Variants in RARB observed in about 807,000 individuals in gnomAD.
The protein encoded by RARB is retinoic acid receptor beta.
Under a neutral mutation model 51.9 loss-of-function variants are expected in RARB, and 17 were observed. The ratio of observed to expected loss-of-function variants is 0.33; its 90% confidence interval spans 0.22 to 0.49. The LOEUF (loss-of-function observed/expected upper bound fraction) is 0.49, where lower values mean the gene tolerates loss of function less well. Ranked by LOEUF, RARB falls within the 20% of genes least tolerant of loss-of-function variation. The pLI is 0.99. For missense variants in RARB, 369 were observed against 550.8 expected, an observed-to-expected ratio of 0.67 and a Z score of 3.30; for synonymous variants, 215 against 195.4, an observed-to-expected ratio of 1.10 and a Z score of -0.84.
intron 5 of RARB, among the ~76,000 whole-genome samples, chr3:25,423,011 A>G (rs1707901073): frequency 6.6e-6 from 1 of 152,206 alleles, no homozygotes; most frequent in Non-Finnish European, 1.5e-5. Context: ...TGGCTCCTTT[A>G]TACTACAGTG....
intron 2 of RARB, among the ~76,000 whole-genome samples, chr3:24,897,092 A>G (rs1703493886): frequency 6.6e-6 from 1 of 152,172 alleles, no homozygotes; most frequent in Non-Finnish European, 1.5e-5. Context: ...TCTAAATTAG[A>G]CTGCTGCTAA....
chr3:25,331,539 A>C (rs2125445290), intron 5 of RARB, among the ~76,000 whole-genome samples: 1 of 152,332 alleles, frequency 6.6e-6, no homozygotes, highest in South Asian at 2.1e-4. Context: ...TGTAGAGAGA[A>C]ATTTATAGCA....
intron 3 of RARB, among the ~76,000 whole-genome samples, chr3:25,123,801 G>T (rs1699821540): frequency 6.6e-6 from 1 of 152,094 alleles, no homozygotes; most frequent in African/African-American, 2.4e-5. Flanking sequence ...ATCTAGAATT[G>T]CTTTTTCCTC....
chr3:25,511,025 C>T (rs1392309248), intron 3 of RARB, among the ~76,000 whole-genome samples: 1 of 152,234 alleles, frequency 6.6e-6, no homozygotes, highest in African/African-American at 2.4e-5. Context: ...CTACTCAACT[C>T]TACTATTGCA....
At position 24,992,007 on chromosome 3, in the gene RARB, G is replaced by C. The variant is rs370671881; in HGVS notation, c.-379-68118G>C. 3.3e-5 allele frequency among the ~76,000 whole-genome samples: 5 copies of C among 152,156 alleles called. No homozygotes were observed. The South Asian group carries it at 6.2e-4, about 19-fold the overall frequency. ...TCTATATCATGCCACCCCTTGCCTGGGTAGTCTGTTTGGCTCTCCTTATAC... is the reference window on the plus strand; with the variant it reads ...TCTATATCATGCCACCCCTTGCCTGCGTAGTCTGTTTGGCTCTCCTTATAC... On this transcript the variant is annotated intron_variant, in intron 2 of 11. Transcript: ENST00000383772.
intron 2 of RARB, among the ~76,000 whole-genome samples, chr3:24,899,690 C>T (rs1262615447): frequency 2.6e-5 from 4 of 152,102 alleles, no homozygotes; most frequent in Non-Finnish European, 5.9e-5. Flanking sequence ...GCAGATGAGC[C>T]TTCAATGAAA....
intron 3 of RARB, among the ~76,000 whole-genome samples, chr3:25,087,496 G>A (rs1378450114): frequency 1.3e-5 from 2 of 151,986 alleles, no homozygotes; most frequent in Non-Finnish European, 2.9e-5. Context: ...ATGTAACCTT[G>A]GGCAAGTTAG....
intron 2 of RARB, among the ~76,000 whole-genome samples, chr3:24,904,750 T>G (rs2125374330): frequency 6.6e-6 from 1 of 152,180 alleles, no homozygotes; most frequent in East Asian, 1.9e-4. Context: ...TAGCAAAAAC[T>G]TGGAACCAAC....
intron 2 of RARB, among the ~76,000 whole-genome samples, chr3:24,902,566 A>G (rs181047103): frequency 4.5e-4 from 68 of 152,234 alleles, no homozygotes; most frequent in African/African-American, 1.6e-3. Flanking sequence ...AATTTTATGA[A>G]TTTATATGTA....
intron 5 of RARB, among the ~76,000 whole-genome samples, chr3:25,193,959 T>C (rs538504101): frequency 1.3e-5 from 2 of 152,090 alleles, no homozygotes; most frequent in South Asian, 2.1e-4. Context: ...AAAACATTTG[T>C]ATTTTAATAT....
intron 2 of RARB, among the ~76,000 whole-genome samples, chr3:24,939,955 C>T (rs545079840): frequency 2.0e-5 from 3 of 152,234 alleles, no homozygotes; most frequent in South Asian, 2.1e-4. Flanking sequence ...TATAAGCAAA[C>T]GTCACTCATT....
At chr3:24,980,441 C>T (rs1310243485) in intron 2 of RARB, among the ~76,000 whole-genome samples, 2 of 152,110 alleles carry the variant, frequency 1.3e-5, no homozygotes, top group Non-Finnish European at 1.5e-5. Context: ...TCACATAGTC[C>T]CATATTTCTT....
intron 3 of RARB, among the ~76,000 whole-genome samples, chr3:25,112,984 CTCTTGATATGAG>C (rs1285280899): frequency 1.3e-5 from 2 of 152,068 alleles, no homozygotes; most frequent in Non-Finnish European, 2.9e-5. Flanking sequence ...TTTTGTGGTG[CTCTTGATATGAG>C]ATATTCAGCA....
intron 5 of RARB, among the ~76,000 whole-genome samples, chr3:25,388,901 G>GTTGTAAGA (rs1422937136): frequency 1.3e-5 from 2 of 152,138 alleles, no homozygotes; most frequent in African/African-American, 4.8e-5. Context: ...TTTCTTCAAA[G>GTTGTAAGA]TTGTAAGAGG....
chr3:25,434,516 A>G (rs1575399462), intron 1 of RARB, among the ~76,000 whole-genome samples: 1 of 148,612 alleles, frequency 6.7e-6, no homozygotes, highest in African/African-American at 2.5e-5. Flanking sequence ...GTCAGAGTTA[A>G]TCCTTGGTAC....
At chr3:24,917,052 A>T (rs1036519210) in intron 2 of RARB, among the ~76,000 whole-genome samples, 4 of 152,220 alleles carry the variant, frequency 2.6e-5, no homozygotes, top group African/African-American at 7.2e-5. Flanking sequence ...AAATGTTAAA[A>T]ATTGTCATGG....
intron 5 of RARB, among the ~76,000 whole-genome samples, chr3:25,232,973 C>CTTTTTTT (rs71061205): frequency 2.5e-3 from 302 of 118,666 alleles, no homozygotes; most frequent in Non-Finnish European, 3.4e-3. Context: ...TTTTCTTTTT[C>CTTTTTTT]TTTTTTTTTT....
chr3:25,394,316 A>C (rs1001219522), intron 5 of RARB, among the ~76,000 whole-genome samples: 2 of 152,042 alleles, frequency 1.3e-5, no homozygotes, highest in African/African-American at 4.8e-5. Flanking sequence ...TTGTGACCTA[A>C]TATATGGCCT....
At chr3:25,200,824 A>G (rs1222583833) in intron 5 of RARB, among the ~76,000 whole-genome samples, 3 of 152,162 alleles carry the variant, frequency 2.0e-5, no homozygotes, top group Non-Finnish European at 4.4e-5. Flanking sequence ...TACCAGTACC[A>G]TACTGTTTTG....
Sources: allele counts gnomAD v4.1 joint callset (sites outside exome capture counted in the v4.1 genomes callset), GRCh38; gene constraint gnomAD v4.1.1; transcripts MANE v1.5; gene names NCBI Gene and HGNC (gene_info 2026-07-23, HGNC 2026-07-21).